URB2: variants seen among roughly 807,000 people sequenced by gnomAD.
URB2 encodes unhealthy ribosome biogenesis protein 2 homolog.
In URB2, 86 loss-of-function variants were observed where a neutral mutation model predicts 120.9. The ratio of observed to expected loss-of-function variants is 0.71; its 90% CI spans 0.60 to 0.85. URB2 has a LOEUF of 0.85. Ranked by LOEUF, URB2 falls within the 40% of genes least tolerant of loss-of-function variation. The pLI is 0.00. For missense variants in URB2, 1,765 were observed against 1,836.5 expected, an observed-to-expected ratio of 0.96 and a Z score of 0.71; for synonymous variants, 755 against 758.4, an observed-to-expected ratio of 1.00 and a Z score of 0.07.
At chr1:229,656,476 C>T (rs1183046515) in intron 9 of URB2, among the ~76,000 whole-genome samples, 1 of 152,188 alleles carries the variant, frequency 6.6e-6, no homozygotes, top group African/African-American at 2.4e-5. Flanking sequence ...TCCCAGAATC[C>T]ACTGGCACCA....
At chr1:229,653,637 CT>C (rs961498935) in intron 8 of URB2, among the ~76,000 whole-genome samples, 29 of 152,240 alleles carry the variant, frequency 1.9e-4, no homozygotes, top group African/African-American at 6.5e-4. Flanking sequence ...AATTAGGATT[CT>C]TGGGAGGAGT....
chr1:229,635,578 T>G lies in URB2; in HGVS notation c.965T>G (p.Leu322Arg). The G allele has an allele frequency of 6.2e-7, 1 of 1,614,112 alleles. No individual in the cohort carries two copies. The highest frequency in any genetic ancestry group is 8.5e-7 in the Non-Finnish European group (1 of 1,180,034). Residue 322 changes from leucine to arginine, a missense_variant, in exon 4 of 10, where the codon CTT becomes CGT. Physicochemically the swap from Leu to Arg is moderately radical, Grantham distance 102 (BLOSUM62 -2). Coordinates refer to ENST00000258243, the MANE Select transcript of URB2 (RefSeq NM_014777.4). Reference sequence around the variant, plus strand: ...TCTTACTTTAAGGAGGGAAACCAGCTTCTCTGCTTCCAGGTTCTCCCCAGG... The same window carrying G: ...TCTTACTTTAAGGAGGGAAACCAGCGTCTCTGCTTCCAGGTTCTCCCCAGG... ...LDSYFKEGNQ[L>R]LCFQVLPRLF... is the part of the protein sequence containing the mutation.
Position 229,627,475 on chromosome 1 carries a change from C to T in URB2, c.-13-146C>T, listed in dbSNP as rs908843155. 1.0e-5 allele frequency: 8 copies of T among 765,636 alleles called. No homozygotes were observed. The Admixed American group carries it at 1.6e-4, about 15-fold the overall frequency. The allele number at this position is 765,636 out of a possible 1,614,324, so 47.4% of individuals were successfully genotyped here. A position where few individuals can be genotyped will look rare whatever the true frequency, so the allele number is the denominator to read the frequency against. On this transcript the variant is annotated intron_variant, in intron 1 of 9. Transcript: ENST00000258243. ...AAGCATCTTGTATGTAGATTTACCC[C>T]GACAAATCTGTTGATTCATTAAAAA...
At chr1:229,646,007 C>A in intron 6 of URB2, 38 bp downstream of exon 6, 1 of 1,577,488 alleles carries the variant, frequency 6.3e-7, no homozygotes, top group Non-Finnish European at 8.7e-7. Context: ...TAGCTCCTCC[C>A]CTCCCTCTTC....
chr1:229,659,328 C>T lies in URB2; in HGVS notation c.*31C>T. On this transcript the variant is annotated 3_prime_UTR_variant, in exon 10 of 10. Coordinates refer to ENST00000258243, the MANE Select transcript of URB2 (RefSeq NM_014777.4). The stretch of plus-strand genomic sequence containing the variant: ...TGGGACAGAAGTGCCGCCAGTGACA[C>T]TGTCCAGAGGCTTTGGCTGCATGGT... The T allele has an allele frequency of 1.2e-6, 2 of 1,608,084 alleles. No individual in the cohort carries two copies. The highest frequency in any genetic ancestry group is 2.2e-5 in the East Asian group (1 of 44,756).
intron 9 of URB2, among the ~76,000 whole-genome samples, chr1:229,656,528 A>G (rs1666410551): frequency 6.6e-6 from 1 of 152,248 alleles, no homozygotes; most frequent in Non-Finnish European, 1.5e-5. Context: ...AAATTCAGCA[A>G]TGAAGAAAAT....
Position 229,637,702 on chromosome 1 carries a change from T to A in URB2, c.3089T>A (p.Leu1030His), listed in dbSNP as rs750561805. The A allele has an allele frequency of 1.2e-6, 2 of 1,614,224 alleles. No homozygotes were observed. Among genetic ancestry groups the A allele is most frequent in the East Asian group, 4.5e-5 (2 of 44,888 alleles). Residue 1030 changes from leucine to histidine, a missense_variant, in exon 4 of 10, where the codon CTC becomes CAC. Physicochemically the swap from Leu to His is moderately conservative, Grantham distance 99 (BLOSUM62 -3). Transcript: ENST00000258243. Reference protein sequence around the residue: ...VLNFRKITAFLSSSKPYTEAA... With the variant: ...VLNFRKITAFHSSSKPYTEAA... ...AATTTTAGAAAAATCACCGCATTCC[T>A]CTCTAGTTCCAAACCATACACGGAG...
At chr1:229,630,982 CAAAAAAA>C (rs57940336) in intron 2 of URB2, among the ~76,000 whole-genome samples, 1 of 65,108 alleles carries the variant, frequency 1.5e-5, no homozygotes, top group Non-Finnish European at 2.8e-5. Flanking sequence ...AACTCCGTCT[CAAAAAAA>C]AAAAAAAAAA....
At position 229,635,483 on chromosome 1, in the gene URB2, C is replaced by T. The variant is rs1450838727; in HGVS notation, c.870C>T (p.Tyr290=). The T allele has an allele frequency of 1.9e-6, 3 of 1,613,104 alleles. No individual in the cohort carries two copies. In the East Asian group the frequency reaches 6.7e-5, roughly 36 times the overall value. Residue 290 remains tyrosine, a synonymous_variant, in exon 4 of 10, where the codon TAC becomes TAT. Coordinates refer to ENST00000258243, the MANE Select transcript of URB2 (RefSeq NM_014777.4). ...TVLNRLVDAG[Y]CAASLHTSVV... The stretch of plus-strand genomic sequence containing the variant: ...TTAACAGGCTGGTTGATGCTGGCTA[C>T]TGTGCAGCATCCCTTCATACCTCTG...
Position 229,645,902 on chromosome 1 carries a change from G to GC in URB2, c.3842dup (p.Leu1282ThrfsTer102). The GC allele has an allele frequency of 1.2e-6, 2 of 1,614,158 alleles. No individual in the cohort carries two copies. The highest frequency in any genetic ancestry group is 1.7e-6 in the Non-Finnish European group (2 of 1,180,030). ...ACACTGCTGAGGCTGCTACTGAACT[G>GC]CCCACTCAGTGGAGAGAAAGCAAGT... is the stretch of plus-strand genomic sequence containing the variant. On this transcript the variant is annotated frameshift_variant, in exon 6 of 10. Coordinates refer to ENST00000258243, the MANE Select transcript of URB2 (RefSeq NM_014777.4). LOFTEE classifies it high-confidence loss of function.
intron 8 of URB2, 125 bp from the exon 9 acceptor site, chr1:229,654,124 T>G: frequency 7.2e-7 from 1 of 1,394,560 alleles, no homozygotes; most frequent in South Asian, 1.4e-5. Context: ...AATAAGCCAA[T>G]TAAAGAGTCT....
intron 3 of URB2, among the ~76,000 whole-genome samples, chr1:229,634,176 A>G (rs1206998610): frequency 2.0e-5 from 3 of 151,644 alleles, no homozygotes; most frequent in Admixed American, 1.3e-4. Context: ...GCTTTTTTAA[A>G]TAGAAAAAGT....
In URB2 at chr1:229,638,303, T is replaced by C. The variant is rs756722543; in HGVS notation, c.3634+56T>C. The C allele has an allele frequency of 2.9e-4, 442 of 1,507,842 alleles. 1 individual carries two copies. The highest frequency in any genetic ancestry group is 3.9e-4 in the Non-Finnish European group (436 of 1,130,334). The allele number at this position is 1,507,842 out of a possible 1,614,324, so 93.4% of individuals were successfully genotyped here. A position where few individuals can be genotyped will look rare whatever the true frequency, so the allele number is the denominator to read the frequency against. The stretch of plus-strand genomic sequence containing the variant: ...GTTATAGAGGTCTGGTTTCCACTGC[T>C]CCCCTTTTTGGAACTGGGAATAAGT... On this transcript the variant is annotated intron_variant, in intron 4 of 9. Coordinates refer to ENST00000258243, the MANE Select transcript of URB2 (RefSeq NM_014777.4).
Position 229,645,843 on chromosome 1 carries a change from T to G in URB2, c.3796-16T>G. ...CACGCTATCTCTGCCGCTAAGTTTT[T>G]TCTCTCTTGCCCCAGGCTGTTGTGT... On this transcript the variant is annotated splice_polypyrimidine_tract_variant and intron_variant, in intron 5 of 9. Transcript: ENST00000258243. The G allele has an allele frequency of 6.2e-7, 1 of 1,612,654 alleles. No homozygotes were observed. The highest frequency in any genetic ancestry group is 8.5e-7 in the Non-Finnish European group (1 of 1,178,844).
At chr1:229,645,326 A>G (rs1046350482) in intron 5 of URB2, among the ~76,000 whole-genome samples, 1 of 151,814 alleles carries the variant, frequency 6.6e-6, no homozygotes, top group Non-Finnish European at 1.5e-5. Context: ...CTCTGTGCTT[A>G]AGACCTCTCC....
intron 3 of URB2, among the ~76,000 whole-genome samples, chr1:229,632,811 G>GTTT (rs5781547): frequency 5.9e-5 from 6 of 101,834 alleles, no homozygotes; most frequent in Non-Finnish European, 5.9e-5. Context: ...TTCCTCAAAG[G>GTTT]TTTTTTTTTT....
At chr1:229,632,154 C>A in intron 2 of URB2, 115 bp from the exon 3 acceptor site, 3 of 810,248 alleles carry the variant, frequency 3.7e-6, no homozygotes, top group Non-Finnish European at 5.3e-6. Context: ...AGAGGTTCTC[C>A]CCCGCCGCCC....
intron 2 of URB2, among the ~76,000 whole-genome samples, chr1:229,629,549 TA>T (rs1665610817): frequency 6.6e-6 from 1 of 152,234 alleles, no homozygotes; most frequent in South Asian, 2.1e-4. Context: ...AAGAATGCAA[TA>T]GCATTATGCC....
At chr1:229,632,504 G>T in intron 3 of URB2, 59 bp downstream of exon 3, 1 of 1,416,514 alleles carries the variant, frequency 7.1e-7, no homozygotes, top group Non-Finnish European at 9.3e-7. Context: ...TCTTGTTAAT[G>T]CTGGAAACTT....
Sources: allele counts gnomAD v4.1 joint callset (sites outside exome capture counted in the v4.1 genomes callset), GRCh38; gene constraint gnomAD v4.1.1; transcripts MANE v1.5; gene names NCBI Gene and HGNC (gene_info 2026-07-23, HGNC 2026-07-21).